PARP14: variants seen among roughly 807,000 people sequenced by gnomAD.
PARP14 encodes poly(ADP-ribose) polymerase family member 14, also known as protein mono-ADP-ribosyltransferase PARP14.
In PARP14, 59 loss-of-function variants were observed where a neutral mutation model predicts 154.2. The observed-to-expected ratio is 0.38, with a 90% confidence interval of 0.31 to 0.48. The LOEUF (loss-of-function observed/expected upper bound fraction) is 0.48. Ranked by LOEUF, PARP14 falls within the 20% of genes least tolerant of loss-of-function variation. The pLI, the probability that PARP14 is intolerant of heterozygous loss-of-function variation, is 0.98. For missense variants in PARP14, 1,734 were observed against 2,131.6 expected (o/e 0.81, Z 3.67); for synonymous variants, 720 against 780.5 (o/e 0.92, Z 1.29).
intron 3 of PARP14, 79 bp from the exon 4 acceptor site, chr3:122,692,222 G>A: frequency 8.0e-7 from 1 of 1,242,528 alleles, no homozygotes; most frequent in Non-Finnish European, 1.1e-6. Flanking sequence ...AGAGGGCAGT[G>A]CCTTGTGATA....
intron 4 of PARP14, among the ~76,000 whole-genome samples, chr3:122,693,100 G>T (rs540683673): frequency 2.0e-5 from 3 of 152,162 alleles, no homozygotes; most frequent in African/African-American, 7.2e-5. Context: ...ACAAAGGTGC[G>T]AATGCATGGA....
chr3:122,691,265 C>T (rs181027311), intron 3 of PARP14, among the ~76,000 whole-genome samples: 35 of 152,286 alleles, frequency 2.3e-4, no homozygotes, highest in African/African-American at 7.9e-4. Flanking sequence ...CATCCAGGGT[C>T]TTGAACACGA....
At chr3:122,685,404 A>T (rs1481520961) in intron 2 of PARP14, 86 bp downstream of exon 2, 2 of 1,281,940 alleles carry the variant, frequency 1.6e-6, no homozygotes, top group East Asian at 4.8e-5. Context: ...AATATAGTGG[A>T]AAGAAAAGCA....
At chr3:122,712,585 C>G (rs1576596469) in intron 9 of PARP14, among the ~76,000 whole-genome samples, 1 of 149,768 alleles carries the variant, frequency 6.7e-6, no homozygotes, top group Non-Finnish European at 1.5e-5. Context: ...CAGAGTCTCA[C>G]TCTGTCACTC....
chr3:122,708,550 T>C (rs1451258889), intron 9 of PARP14, among the ~76,000 whole-genome samples: 3 of 152,206 alleles, frequency 2.0e-5, no homozygotes, highest in Admixed American at 6.5e-5. Context: ...TTTTCCAAAA[T>C]AGACAAATTT....
chr3:122,708,375 G>T, intron 9 of PARP14, 107 bp downstream of exon 9: 1 of 644,676 alleles, frequency 1.6e-6, no homozygotes, highest in South Asian at 1.9e-5. Flanking sequence ...AAATCAATGA[G>T]TGACAAATGA....
chr3:122,689,306 A>G (rs1938469334), intron 3 of PARP14, among the ~76,000 whole-genome samples: 1 of 152,152 alleles, frequency 6.6e-6, no homozygotes, highest in Non-Finnish European at 1.5e-5. Context: ...TCTGCTGATC[A>G]TAGAGACCTA....
chr3:122,702,993 T>TAAAAAAAAAAAAAAAA (rs10707029), intron 6 of PARP14, among the ~76,000 whole-genome samples: 2 of 83,948 alleles, frequency 2.4e-5, no homozygotes, highest in African/African-American at 4.5e-5. Context: ...CCCTCTCTCT[T>TAAAAAAAAAAAAAAAA]AAAAAAAAAA....
In PARP14 at chr3:122,687,104, A is replaced by G. The variant is rs770321012; in HGVS notation, c.346A>G (p.Lys116Glu). 6.3e-6 allele frequency: 10 copies of G among 1,595,750 alleles called. No homozygotes were observed. Among genetic ancestry groups the G allele is most frequent in the African/African-American group, 2.7e-5 (2 of 74,704 alleles). ...GGAATCCAAGACCAAAGAAGATGTT[A>G]AAGAACCAGGTAAAATCTCAGTTGA... ...TKESKTKEDVKEPDVSEELDT... is the reference protein window; with the variant it reads ...TKESKTKEDVEEPDVSEELDT... The change falls in exon 3 of 17, where the codon AAA (lysine) becomes GAA (glutamate). Residue 116 changes from lysine to glutamate, a missense_variant. Transcript: ENST00000474629.
intron 15 of PARP14, among the ~76,000 whole-genome samples, chr3:122,724,580 C>T (rs1049440543): frequency 2.0e-5 from 3 of 146,880 alleles, no homozygotes; most frequent in African/African-American, 7.6e-5. Context: ...GCTGGGATTA[C>T]AAGTGTGAGC....
intron 15 of PARP14, chr3:122,721,876 T>C (rs952942693): frequency 6.6e-6 from 1 of 152,190 alleles, no homozygotes; most frequent in Non-Finnish European, 1.5e-5. Context: ...AGATATAAAC[T>C]ATACCTTCAG....
In PARP14 at chr3:122,690,160, G is replaced by A. The variant is rs753423501; in HGVS notation, c.356-2141G>A. Among the ~76,000 whole-genome samples, 87 of 152,250 alleles carry A rather than the reference G, an allele frequency of 5.7e-4. 1 individual carries two copies. The highest frequency in any genetic ancestry group is 3.4e-3 in the Middle Eastern group (1 of 294). Reference sequence around the variant, plus strand: ...AATTAAGCCTTTCTTGTGGTGAAGCGTCTAATATTGATGGGATTATAAAAC... The same window carrying A: ...AATTAAGCCTTTCTTGTGGTGAAGCATCTAATATTGATGGGATTATAAAAC... On this transcript the variant is annotated intron_variant, in intron 3 of 16. Transcript: ENST00000474629.
intron 8 of PARP14, 22 bp from the exon 9 acceptor site, chr3:122,708,168 C>T: frequency 7.4e-7 from 1 of 1,356,880 alleles, no homozygotes; most frequent in Non-Finnish European, 1.0e-6. Context: ...GTGTAATGAT[C>T]AACGCTGTGT....
chr3:122,708,272 C>T lies in PARP14; in HGVS notation c.3619+4C>T. The T allele has an allele frequency of 2.0e-6, 3 of 1,508,718 alleles. No homozygotes were observed. Among genetic ancestry groups the T allele is most frequent in the Non-Finnish European group, 2.7e-6 (3 of 1,102,388 alleles). The allele number at this position is 1,508,718 out of a possible 1,614,324, so 93.5% of individuals were successfully genotyped here. On this transcript the variant is annotated splice_donor_region_variant and intron_variant, in intron 9 of 16. Transcript: ENST00000474629. ...CCGAAGGCTAAAGATACACAAGGTT[C>T]AGTAAAGCTTCTAAATTGAGAAGTG...
At chr3:122,717,078 C>T (rs1933020234) in intron 12 of PARP14, among the ~76,000 whole-genome samples, 1 of 152,220 alleles carries the variant, frequency 6.6e-6, no homozygotes, top group Non-Finnish European at 1.5e-5. Flanking sequence ...GTTCTCTGAT[C>T]ATCTGATTTA....
In PARP14 at chr3:122,680,847, C is replaced by T; in HGVS notation, c.-37C>T. 10 of 1,536,074 alleles carry T rather than the reference C, an allele frequency of 6.5e-6. No homozygotes were observed. Among genetic ancestry groups the T allele is most frequent in the South Asian group, 1.2e-5 (1 of 85,228 alleles). Reference sequence around the variant, plus strand: ...GTCAAAGTTAGCGGCCCGGAGTTGGCGCGGCCCCTGCAGTCCGGCGGAGAG... The same window carrying T: ...GTCAAAGTTAGCGGCCCGGAGTTGGTGCGGCCCCTGCAGTCCGGCGGAGAG... On this transcript the variant is annotated 5_prime_UTR_variant, in exon 1 of 17. Coordinates refer to ENST00000474629, the MANE Select transcript of PARP14 (RefSeq NM_017554.3).
At position 122,681,064 on chromosome 3, in the gene PARP14, G is replaced by A. The variant is rs1326713337; in HGVS notation, c.181G>A (p.Glu61Lys). The A allele has an allele frequency of 1.9e-6, 3 of 1,612,366 alleles. No individual in the cohort carries two copies. In the African/African-American group the frequency reaches 4.0e-5, roughly 22 times the overall value. Residue 61 changes from glutamate (E) to lysine (K), a missense_variant, in exon 1 of 17, where the codon GAG (glutamate) becomes AAG (lysine). Glu to Lys is a moderately conservative substitution (Grantham distance 56, BLOSUM62 1). Coordinates refer to ENST00000474629, the MANE Select transcript of PARP14 (RefSeq NM_017554.3). The surrounding 1 kb of genome is among the most constrained non-coding windows in gnomAD (Gnocchi z 5.5). ...PSRFLVFFYP[E>K]DVRQKVLERK... ...CCGCTTCCTGGTGTTCTTCTACCCG[G>A]AGGACGGTGAGGGGCGCGAGGGGTG...
intron 1 of PARP14, among the ~76,000 whole-genome samples, chr3:122,682,302 CT>C (rs1304600866): frequency 6.6e-6 from 1 of 152,114 alleles, no homozygotes; most frequent in East Asian, 1.9e-4. Context: ...CTTAAGGATG[CT>C]TCTTTCTCCT....
chr3:122,707,380 CAAATAAAT>C (rs60420136), intron 8 of PARP14, among the ~76,000 whole-genome samples: 72 of 139,682 alleles, frequency 5.2e-4, no homozygotes, highest in East Asian at 1.5e-3. Flanking sequence ...GACTCCATCT[CAAATAAAT>C]AAATAAATAA....
Sources: gnomAD v4.1 joint callset for allele counts (sites outside exome capture counted in the v4.1 genomes callset) on GRCh38, gnomAD v4.1.1 for gene constraint, Gnocchi (gnomAD v3.1) non-coding constraint, MANE v1.5 for transcripts, NCBI Gene and HGNC (gene_info 2026-07-23, HGNC 2026-07-21) for gene names.